MOGAT2: variants seen among roughly 807,000 people sequenced by gnomAD.
MOGAT2 encodes monoacylglycerol O-acyltransferase 2, also known as 2-acylglycerol O-acyltransferase 2.
MOGAT2 carries 27 observed loss-of-function variants against 31.5 expected under a neutral mutation model. The observed-to-expected ratio is 0.86, with a 90% CI of 0.63 to 1.18. The LOEUF is 1.18. Ranked by LOEUF, MOGAT2 falls within the 50% of genes most tolerant of loss-of-function variation. MOGAT2 has a pLI of 0.00. For missense variants in MOGAT2, 436 were observed against 433.2 expected, an observed-to-expected ratio of 1.01 and a Z score of -0.06; for synonymous variants, 163 against 170.0, an observed-to-expected ratio of 0.96 and a Z score of 0.32.
intron 2 of MOGAT2, among the ~76,000 whole-genome samples, chr11:75,725,592 A>G (rs1044692522): frequency 6.7e-6 from 1 of 148,494 alleles, no homozygotes; most frequent in Non-Finnish European, 1.5e-5. Flanking sequence ...TGCAGAGGCC[A>G]TGTCCGGGTC....
chr11:75,720,298 G>A (rs1944366982), intron 2 of MOGAT2, 128 bp downstream of exon 2: 2 of 1,009,756 alleles, frequency 2.0e-6, no homozygotes, highest in Admixed American at 2.5e-5. Flanking sequence ...CTGGGAGGCA[G>A]GAGCTAGGGC....
intron 5 of MOGAT2, 90 bp from the exon 6 acceptor site, chr11:75,731,042 C>G: frequency 5.0e-6 from 6 of 1,207,306 alleles, no homozygotes; most frequent in South Asian, 4.6e-5. Flanking sequence ...AGTAAGAGCA[C>G]TTTTCTGCAG....
At chr11:75,728,505 A>G in intron 4 of MOGAT2, 1 of 554,596 alleles carries the variant, frequency 1.8e-6, no homozygotes, top group East Asian at 3.2e-5. Flanking sequence ...ATATTTTTCT[A>G]GGAAAAACAA....
chr11:75,718,824 G>GT (rs1944352271), intron 1 of MOGAT2, among the ~76,000 whole-genome samples: 1 of 152,194 alleles, frequency 6.6e-6, no homozygotes, highest in Non-Finnish European at 1.5e-5. Context: ...AGTCCGTGGG[G>GT]TTTTTCCTTT....
At chr11:75,722,437 G>T (rs377639053) in intron 2 of MOGAT2, among the ~76,000 whole-genome samples, 31 of 152,326 alleles carry the variant, frequency 2.0e-4, no homozygotes, top group African/African-American at 6.7e-4. Context: ...AGCTTCAGAG[G>T]TTCTGGCTCT....
chr11:75,722,484 C>T (rs770027663), intron 2 of MOGAT2, among the ~76,000 whole-genome samples: 2 of 152,206 alleles, frequency 1.3e-5, no homozygotes, highest in Admixed American at 6.5e-5. Context: ...ATCCCAAGCT[C>T]ACCGGGGGGG....
intron 4 of MOGAT2, chr11:75,728,345 A>G (rs1442817669): frequency 1.4e-6 from 1 of 704,048 alleles, no homozygotes; most frequent in Non-Finnish European, 2.6e-6. Flanking sequence ...GATCTAAGAA[A>G]CTAGGTGGCA....
chr11:75,724,416 G>A lies in MOGAT2; in HGVS notation c.271-3019G>A, dbSNP rs552922348. Among the ~76,000 whole-genome samples the A allele has an allele frequency of 2.6e-5, 4 of 152,288 alleles. No individual in the cohort carries two copies. In the South Asian group the frequency reaches 8.3e-4, roughly 32 times the overall value. On this transcript the variant is annotated intron_variant, in intron 2 of 5. Coordinates refer to ENST00000198801, the MANE Select transcript of MOGAT2 (RefSeq NM_025098.4). The stretch of plus-strand genomic sequence containing the variant: ...ACCAATAGAGACCACATCTAGGGAG[G>A]TGCAGACCACACCTCAGTATCCAAG...
At chr11:75,720,565 G>A (rs1448943980) in intron 2 of MOGAT2, among the ~76,000 whole-genome samples, 1 of 152,120 alleles carries the variant, frequency 6.6e-6, no homozygotes, top group African/African-American at 2.4e-5. Flanking sequence ...CAGAAGAGGA[G>A]GCTGACACCC....
chr11:75,722,978 C>T (rs1403879550), intron 2 of MOGAT2, among the ~76,000 whole-genome samples: 1 of 152,008 alleles, frequency 6.6e-6, no homozygotes, highest in Admixed American at 6.6e-5. Flanking sequence ...TTGTTTTTTT[C>T]GAGACGGAGT....
rs1457943201 is a variant in MOGAT2, at chr11:75,732,186, G to A, written c.*900G>A. On this transcript the variant is annotated 3_prime_UTR_variant, in exon 6 of 6. Coordinates refer to ENST00000198801, the MANE Select transcript of MOGAT2 (RefSeq NM_025098.4). Reference sequence around the variant, plus strand: ...TTTCCACCCTGAGGCCTGGAAGGATGAATGGAAGCAGCAGTTCCTGAACCA... The same window carrying A: ...TTTCCACCCTGAGGCCTGGAAGGATAAATGGAAGCAGCAGTTCCTGAACCA... 1 of 152,352 alleles carries A rather than the reference G, an allele frequency of 6.6e-6. No individual in the cohort carries two copies. Among genetic ancestry groups the A allele is most frequent in the African/African-American group, 2.4e-5 (1 of 41,464 alleles). 9.4% of individuals were successfully genotyped at this position (152,352 alleles called of 1,614,324 possible). A position where few individuals can be genotyped will look rare whatever the true frequency, so the allele number is the denominator to read the frequency against.
In MOGAT2 at chr11:75,728,962, C is replaced by T. The variant is rs763099534; in HGVS notation, c.823C>T (p.Pro275Ser). ...CTTCCAGTACAGCTTTGGTTTAATA[C>T]CCTACCGCCGGCCCATCACCACTGT... Reference protein sequence around the residue: ...GVFQYSFGLIPYRRPITTVVG... With the variant: ...GVFQYSFGLISYRRPITTVVG... Residue 275 changes from proline to serine, a missense_variant, in exon 5 of 6, where the codon CCC becomes TCC. Coordinates refer to ENST00000198801, the MANE Select transcript of MOGAT2 (RefSeq NM_025098.4). 10 of 1,613,948 alleles carry T rather than the reference C, an allele frequency of 6.2e-6. No individual in the cohort carries two copies. In the South Asian group the frequency reaches 9.9e-5, roughly 16 times the overall value.
In MOGAT2 at chr11:75,721,750, C is replaced by G. The variant is rs1180317278; in HGVS notation, c.270+1580C>G. On this transcript the variant is annotated intron_variant, in intron 2 of 5. Transcript: ENST00000198801. ...TAACTTCTCCCACCCCGCCTGGGAA[C>G]CCTACCTCTTCCTGTCCCATCAGAA... is the stretch of plus-strand genomic sequence containing the variant. Among the ~76,000 whole-genome samples the G allele has an allele frequency of 2.0e-5, 3 of 152,290 alleles. No individual in the cohort carries two copies. In the South Asian group the frequency reaches 6.2e-4, roughly 32 times the overall value.
Position 75,727,510 on chromosome 11 carries a change from G to C in MOGAT2, c.346G>C (p.Gly116Arg), listed in dbSNP as rs777211519. The change falls in exon 3 of 6, where the codon GGA becomes CGA. Residue 116 changes from glycine (G) to arginine (R), a missense_variant. By Grantham distance (125) the Gly-to-Arg change is moderately radical. Transcript: ENST00000198801. Reference protein sequence around the residue: ...GFHPHGVLAVGAFANLCTEST... With the variant: ...GFHPHGVLAVRAFANLCTEST... The stretch of plus-strand genomic sequence containing the variant: ...CCACCCCCATGGAGTCCTGGCAGTC[G>C]GAGCCTTTGCCAACCTGTGCACTGA... The C allele has an allele frequency of 6.2e-7, 1 of 1,614,008 alleles. No homozygotes were observed. The highest frequency in any genetic ancestry group is 8.5e-7 in the Non-Finnish European group (1 of 1,180,022).
chr11:75,726,418 C>G (rs2135735128), intron 2 of MOGAT2, among the ~76,000 whole-genome samples: 1 of 152,230 alleles, frequency 6.6e-6, no homozygotes, highest in Admixed American at 6.5e-5. Flanking sequence ...TCCCGGACCC[C>G]CGCAGATACC....
At chr11:75,722,306 C>A (rs1034340358) in intron 2 of MOGAT2, among the ~76,000 whole-genome samples, 1 of 152,212 alleles carries the variant, frequency 6.6e-6, no homozygotes, top group South Asian at 2.1e-4. Flanking sequence ...TGGGCTTCCT[C>A]TTCTGTGCCA....
At chr11:75,729,289 T>A (rs1485262919) in intron 5 of MOGAT2, among the ~76,000 whole-genome samples, 15 of 152,242 alleles carry the variant, frequency 9.9e-5, no homozygotes, top group Non-Finnish European at 2.1e-4. Flanking sequence ...TGGCAGGATT[T>A]TTTTTTAAGA....
In MOGAT2 at chr11:75,728,110, C is replaced by T. The variant is rs776690691; in HGVS notation, c.616C>T (p.Arg206Ter). Residue 206 changes from arginine to a stop codon, truncating the protein, a stop_gained, in exon 4 of 6, where the codon CGA (arginine) becomes TGA (stop). Coordinates refer to ENST00000198801, the MANE Select transcript of MOGAT2 (RefSeq NM_025098.4). LOFTEE classifies it high-confidence loss of function. ...PGSFTLLLRN[R>*]KGFVRLALTH... Reference sequence around the variant, plus strand: ...ATCCTTCACGCTGTTACTGCGGAACCGAAAGGGCTTCGTCAGGCTCGCCCT... The same window carrying T: ...ATCCTTCACGCTGTTACTGCGGAACTGAAAGGGCTTCGTCAGGCTCGCCCT... The T allele has an allele frequency of 1.2e-5, 20 of 1,614,034 alleles. No individual in the cohort carries two copies. The highest frequency in any genetic ancestry group is 1.4e-5 in the Non-Finnish European group (17 of 1,179,980).
intron 5 of MOGAT2, among the ~76,000 whole-genome samples, chr11:75,730,676 C>T (rs558216115): frequency 3.3e-5 from 5 of 152,066 alleles, no homozygotes; most frequent in South Asian, 2.1e-4. Context: ...TTTGGGAGGT[C>T]GAGACGGGCA....
Sources: gnomAD v4.1 joint callset for allele counts (sites outside exome capture counted in the v4.1 genomes callset) on GRCh38, gnomAD v4.1.1 for gene constraint, MANE v1.5 for transcripts, NCBI Gene and HGNC (gene_info 2026-07-23, HGNC 2026-07-21) for gene names.